Variants in SV2C observed in about 807,000 individuals in gnomAD.
SV2C encodes the protein solute carrier family 22 member B3.
SV2C carries 49 observed loss-of-function variants against 79.7 expected under a neutral mutation model. The ratio of observed to expected loss-of-function variants is 0.61; its 90% CI spans 0.49 to 0.78. The LOEUF (loss-of-function observed/expected upper bound fraction) is 0.78. Among genes scored for constraint, SV2C ranks in the 30% least tolerant of loss-of-function variants. The pLI, the probability that SV2C is intolerant of heterozygous loss-of-function variation, is 0.00. For missense variants in SV2C, 833 were observed against 912.9 expected (o/e 0.91, Z 1.13); for synonymous variants, 334 against 333.2 (o/e 1.00, Z -0.03).
the SV2C span, among the ~76,000 whole-genome samples, chr5:75,903,336 T>A: frequency 6.6e-6 from 1 of 151,650 alleles, no homozygotes; most frequent in East Asian, 1.9e-4. Flanking sequence ...TTGAGTGTTG[T>A]GTGTAGGAGT....
the SV2C span, among the ~76,000 whole-genome samples, chr5:75,877,832 T>C: frequency 6.6e-6 from 1 of 152,074 alleles, no homozygotes; most frequent in African/African-American, 2.4e-5. Flanking sequence ...CCTCATCAGC[T>C]TCTGTTATTT....
rs1015511360 is a variant in SV2C at position 76,301,440 on chromosome 5, G to A, written c.1895G>A (p.Ser632Asn). ...ISCFFLWFGTSESMMIGMLCL... is the reference protein window; with the variant it reads ...ISCFFLWFGTNESMMIGMLCL... ...TGTTTCTTCCTTTGGTTCGGCACCA[G>A]TGAATCCATGATGATAGGCATGCTG... The change falls in exon 12 of 13, where the codon AGT becomes AAT. Residue 632 changes from serine (S) to asparagine (N), a missense_variant. Coordinates refer to ENST00000502798, the MANE Select transcript of SV2C (RefSeq NM_014979.4). The A allele has an allele frequency of 5.0e-6, 8 of 1,613,938 alleles. No individual in the cohort carries two copies. The African/African-American group carries it at 8.0e-5, about 16-fold the overall frequency.
At chr5:76,063,238 T>G in the SV2C span, among the ~76,000 whole-genome samples, 1 of 152,146 alleles carries the variant, frequency 6.6e-6, no homozygotes, top group African/African-American at 2.4e-5. Flanking sequence ...TTGTCCTATG[T>G]GTTTGTGAGA....
intron 12 of SV2C, among the ~76,000 whole-genome samples, chr5:76,324,565 A>G (rs1417470222): frequency 1.3e-5 from 2 of 151,902 alleles, no homozygotes; most frequent in Non-Finnish European, 2.9e-5. Flanking sequence ...CCCTTCCTGC[A>G]GGGTATAGTG....
At chr5:76,284,572 G>A (rs1747288600) in intron 4 of SV2C, among the ~76,000 whole-genome samples, 2 of 152,178 alleles carry the variant, frequency 1.3e-5, no homozygotes, top group Admixed American at 6.5e-5. Flanking sequence ...GGGAGGGGTG[G>A]CCAGACCCTG....
At chr5:76,248,116 A>G (rs1746000512) in intron 4 of SV2C, among the ~76,000 whole-genome samples, 1 of 152,246 alleles carries the variant, frequency 6.6e-6, no homozygotes, top group Non-Finnish European at 1.5e-5. Flanking sequence ...ATGGAAGAAC[A>G]CACTATTGTG....
chr5:76,011,426 T>C, the SV2C span, among the ~76,000 whole-genome samples: 1 of 152,142 alleles, frequency 6.6e-6, no homozygotes, highest in Admixed American at 6.5e-5. Flanking sequence ...ATACTAGAGC[T>C]GGTCTTGAGC....
chr5:75,943,289 G>A, the SV2C span, among the ~76,000 whole-genome samples: 5 of 152,134 alleles, frequency 3.3e-5, no homozygotes, highest in African/African-American at 1.2e-4. Context: ...TTTTAAATGG[G>A]TACAAGTACT....
intron 12 of SV2C, among the ~76,000 whole-genome samples, chr5:76,344,272 G>C (rs1295715617): frequency 6.6e-6 from 1 of 152,142 alleles, no homozygotes; most frequent in Non-Finnish European, 1.5e-5. Context: ...GCTTGCCCTT[G>C]ATTTGTTACA....
intron 3 of SV2C, among the ~76,000 whole-genome samples, chr5:76,200,442 A>G (rs549657728): frequency 6.6e-6 from 1 of 152,242 alleles, no homozygotes; most frequent in Non-Finnish European, 1.5e-5. Flanking sequence ...TTGCAATTAA[A>G]GTCATTTTAA....
chr5:76,131,301 T>A (rs112867872), intron 1 of SV2C, among the ~76,000 whole-genome samples: 2,770 of 152,272 alleles, frequency 0.018, 77 homozygotes, highest in African/African-American at 0.059. Context: ...TCAAGGTATA[T>A]GCTTGTAGCA....
chr5:76,295,940 C>A lies in SV2C; in HGVS notation c.1500C>A (p.Gly500=), dbSNP rs146297568. The A allele has an allele frequency of 2.7e-4, 434 of 1,584,756 alleles. 1 individual carries two copies. The African/African-American group carries it at 5.2e-3, about 19-fold the overall frequency. ...ATACTGGAATGGAATACGACAATGGCAGGTCTAGAAACTTGAAATAATTTA... is the reference window on the plus strand; with the variant it reads ...ATACTGGAATGGAATACGACAATGGAAGGTCTAGAAACTTGAAATAATTTA... The part of the protein sequence containing the change: ...QIHTGMEYDN[G]RFIGVKFKSV... The change falls in exon 9 of 13, where the codon GGC becomes GGA. Residue 500 remains glycine (G), a splice_region_variant and synonymous_variant. Transcript: ENST00000502798.
intron 4 of SV2C, among the ~76,000 whole-genome samples, chr5:76,256,319 G>A (rs1579993144): frequency 1.3e-5 from 2 of 152,182 alleles, no homozygotes; most frequent in Non-Finnish European, 2.9e-5. Flanking sequence ...CACTTCTGTG[G>A]CCCCCAGGTT....
chr5:76,121,374 T>G (rs1421308207), intron 1 of SV2C, among the ~76,000 whole-genome samples: 1 of 151,644 alleles, frequency 6.6e-6, no homozygotes, highest in Non-Finnish European at 1.5e-5. Flanking sequence ...TTAGTTTAAT[T>G]AGATCCCATT....
At chr5:75,970,311 A>T in the SV2C span, among the ~76,000 whole-genome samples, 3 of 152,246 alleles carry the variant, frequency 2.0e-5, no homozygotes, top group East Asian at 1.9e-4. Context: ...GAAGGCAAGA[A>T]ATAACTAAGA....
At chr5:75,990,848 G>C in the SV2C span, among the ~76,000 whole-genome samples, 15 of 152,102 alleles carry the variant, frequency 9.9e-5, no homozygotes, top group Middle Eastern at 3.4e-3. Flanking sequence ...AAGAGCTTGA[G>C]ACTTTGACTG....
the SV2C span, among the ~76,000 whole-genome samples, chr5:76,009,991 GTTTTTTT>G: frequency 9.0e-4 from 101 of 112,636 alleles, no homozygotes; most frequent in South Asian, 0.032. Flanking sequence ...TATCTATTTT[GTTTTTTT>G]TTTTTTTTTT....
At chr5:76,345,934 C>T (rs1356492598) in intron 12 of SV2C, among the ~76,000 whole-genome samples, 1 of 152,172 alleles carries the variant, frequency 6.6e-6, no homozygotes, top group East Asian at 1.9e-4. Context: ...CCCCAAAATA[C>T]CTAATGCATG....
rs1748157730 is a variant in SV2C at position 76,305,496 on chromosome 5, A to G, written c.2000+3951A>G. Among the ~76,000 whole-genome samples, 5 of 152,280 alleles carry G rather than the reference A, an allele frequency of 3.3e-5. No homozygotes were observed. In the South Asian group the frequency reaches 1.0e-3, roughly 32 times the overall value. On this transcript the variant is annotated intron_variant, in intron 12 of 12. Coordinates refer to ENST00000502798, the MANE Select transcript of SV2C (RefSeq NM_014979.4). ...CTTCACATTTCCTTCTCTGTTGTGC[A>G]ATCAGGAAGCAGAGAGCCTGTGTCT...
Sources: gnomAD v4.1 joint callset for allele counts (sites outside exome capture counted in the v4.1 genomes callset) on GRCh38, gnomAD v4.1.1 for gene constraint, MANE v1.5 for transcripts, NCBI Gene and HGNC (gene_info 2026-07-23, HGNC 2026-07-21) for gene names.